Variants in GAS6 observed in about 807,000 individuals in gnomAD.
GAS6 encodes growth arrest specific 6, also known as growth arrest-specific protein 6.
GAS6 carries 41 observed loss-of-function variants against 75.8 expected under a neutral mutation model. The ratio of observed to expected loss-of-function variants is 0.54; its 90% CI spans 0.42 to 0.70. The LOEUF is 0.70. Ranked by LOEUF, GAS6 falls within the 30% of genes least tolerant of loss-of-function variation. The probability of loss-of-function intolerance (pLI) is 0.00; values close to 1 mark genes in which losing one functional copy is unlikely to be tolerated. For synonymous variants in GAS6, 432 were observed against 412.6 expected (o/e 1.05, Z -0.57); for missense variants, 854 against 940.2 (o/e 0.91, Z 1.20).
rs770493974 is a variant in GAS6 at position 113,820,645 on chromosome 13, C to T, written c.*219G>A. Reference sequence around the variant, plus strand: ...AATAGAGAATTATTTTCTTCGAGCCCGCTCTGCGCTGCGCCGGCCTCCCCG... The same window carrying T: ...AATAGAGAATTATTTTCTTCGAGCCTGCTCTGCGCTGCGCCGGCCTCCCCG... On this transcript the variant is annotated 3_prime_UTR_variant, in exon 15 of 15. Transcript: ENST00000327773. 8.7e-5 allele frequency: 45 copies of T among 518,214 alleles called. No individual in the cohort carries two copies. Among genetic ancestry groups the T allele is most frequent in the African/African-American group, 1.9e-4 (10 of 53,262 alleles). The allele number at this position is 518,214 out of a possible 1,614,324, so 32.1% of individuals were successfully genotyped here. A position where few individuals can be genotyped will look rare whatever the true frequency, so the allele number is the denominator to read the frequency against.
At chr13:113,834,490 C>T (rs1294295872) in intron 8 of GAS6, 61 bp downstream of exon 8, 17 of 1,422,044 alleles carry the variant, frequency 1.2e-5, no homozygotes, top group South Asian at 9.1e-5. Context: ...TCCCGAAAGC[C>T]CCCACCGGCG....
At chr13:113,852,615 C>T (rs570395952) in intron 2 of GAS6, among the ~76,000 whole-genome samples, 5 of 152,302 alleles carry the variant, frequency 3.3e-5, no homozygotes, top group East Asian at 1.9e-4. Context: ...CAGTGGGTGC[C>T]GGCAGAATCC....
chr13:113,834,473 G>C, intron 8 of GAS6, 78 bp downstream of exon 8: 1 of 1,366,656 alleles, frequency 7.3e-7, no homozygotes, highest in South Asian at 1.7e-5. Flanking sequence ...CTTCACGGAA[G>C]TGTTTCTCCC....
At chr13:113,823,334 G>A (rs1340658944) in intron 13 of GAS6, 41 bp downstream of exon 13, 2 of 1,569,060 alleles carry the variant, frequency 1.3e-6, no homozygotes, top group Non-Finnish European at 1.7e-6. Context: ...CGTACCCGTG[G>A]GTCGAGCCGG....
At chr13:113,825,234 CA>C (rs71105207) in intron 12 of GAS6, among the ~76,000 whole-genome samples, 9,538 of 58,136 alleles carry the variant, frequency 0.16, 249 homozygotes, top group South Asian at 0.23. Context: ...AACTCCGTCT[CA>C]AAAAAAAAAA....
In GAS6 at chr13:113,823,384, G is replaced by C; in HGVS notation, c.1644C>G (p.Leu548=). ...ALVDYHSTKK[L]KKQLVVLAVE... is the part of the protein sequence containing the mutation. ...GTGGCGGAGGCCCTACCTGCTTCTT[G>C]AGTTTCTTCGTGGAGTGATAGTCTA... is the stretch of plus-strand genomic sequence containing the variant. The change falls in exon 13 of 15, where the codon CTC becomes CTG. Residue 548 remains leucine, a synonymous_variant. Transcript: ENST00000327773. 1 of 1,610,044 alleles carries C rather than the reference G, an allele frequency of 6.2e-7. No homozygotes were observed. Among genetic ancestry groups the C allele is most frequent in the South Asian group, 1.1e-5 (1 of 90,810 alleles).
At chr13:113,855,988 G>A (rs1212437161) in intron 2 of GAS6, among the ~76,000 whole-genome samples, 2 of 152,176 alleles carry the variant, frequency 1.3e-5, no homozygotes, top group African/African-American at 2.4e-5. Context: ...GTTGCCTTCC[G>A]TGTTGTGAGG....
chr13:113,851,533 GTGAA>G (rs1191092922), intron 2 of GAS6, among the ~76,000 whole-genome samples: 2 of 151,690 alleles, frequency 1.3e-5, no homozygotes, highest in Non-Finnish European at 2.9e-5. Flanking sequence ...GAATGGATGA[GTGAA>G]TGGGTGGGTG....
intron 12 of GAS6, among the ~76,000 whole-genome samples, chr13:113,825,053 T>G (rs2051517187): frequency 6.6e-6 from 1 of 151,848 alleles, no homozygotes; most frequent in South Asian, 2.1e-4. Flanking sequence ...ACCCCATCTC[T>G]ACTAAAAATG....
In GAS6 at chr13:113,823,531, G is replaced by A. The variant is rs74118435; in HGVS notation, c.1497C>T (p.Val499=). 3.3e-3 allele frequency: 5,317 copies of A among 1,612,138 alleles called. 166 individuals carry two copies. In the African/African-American group the frequency reaches 0.063, roughly 19 times the overall value. ...SLDYMRTPLD[V]GTESTWEVEV... The stretch of plus-strand genomic sequence containing the variant: ...CTACTTCCCAGGTTGATTCAGTCCC[G>A]ACGTCCAGAGGGGTCCGCACTGCAA... Residue 499 remains valine (V), a synonymous_variant, in exon 13 of 15, where the codon GTC becomes GTT. Coordinates refer to ENST00000327773, the MANE Select transcript of GAS6 (RefSeq NM_000820.4).
intron 11 of GAS6, 21 bp downstream of exon 11, chr13:113,828,526 A>G (rs778306181): frequency 1.2e-6 from 2 of 1,603,490 alleles, no homozygotes; most frequent in African/African-American, 2.7e-5. Context: ...GCGTCTACAC[A>G]GGGACAGGTA....
intron 2 of GAS6, among the ~76,000 whole-genome samples, chr13:113,858,859 A>G (rs1490685270): frequency 1.6e-5 from 2 of 127,988 alleles, no homozygotes; most frequent in Non-Finnish European, 3.2e-5. Flanking sequence ...GTGTGTCATT[A>G]TGCATGTGTG....
At chr13:113,829,856 A>C (rs922496012) in intron 10 of GAS6, among the ~76,000 whole-genome samples, 1 of 135,848 alleles carries the variant, frequency 7.4e-6, no homozygotes, top group Non-Finnish European at 1.6e-5. Context: ...TCCTCACCTG[A>C]GCCAAGAGGG....
chr13:113,832,759 C>T lies in GAS6; in HGVS notation c.835-7G>A, dbSNP rs540269924. 35 of 1,612,566 alleles carry T rather than the reference C, an allele frequency of 2.2e-5. No homozygotes were observed. Among genetic ancestry groups the T allele is most frequent in the Middle Eastern group, 1.7e-4 (1 of 6,054 alleles). ...GCACGCACGGCAAGATGTCCTGCCA[C>T]GGACGGGGGCCACGCCGGTCGGGGA... On this transcript the variant is annotated splice_polypyrimidine_tract_variant and splice_region_variant and intron_variant, in intron 8 of 14. Transcript: ENST00000327773.
rs2051737667 is a variant in GAS6, at chr13:113,838,258, A to T, written c.467-67T>A. 5.7e-6 allele frequency: 9 copies of T among 1,591,070 alleles called. No homozygotes were observed. The South Asian group carries it at 8.9e-5, about 16-fold the overall frequency. On this transcript the variant is annotated intron_variant, in intron 5 of 14. Coordinates refer to ENST00000327773, the MANE Select transcript of GAS6 (RefSeq NM_000820.4). The stretch of plus-strand genomic sequence containing the variant: ...CAGCCCCTGGCTACGGTAGGAAGAG[A>T]TCCCAGAGGTGCACAGCCCAGCCCT...
chr13:113,850,652 C>A (rs2051866012), intron 2 of GAS6, among the ~76,000 whole-genome samples: 1 of 152,168 alleles, frequency 6.6e-6, no homozygotes, highest in Non-Finnish European at 1.5e-5. Context: ...GCTGACTGTC[C>A]CCCAGAGGCC....
Position 113,820,806 on chromosome 13 carries a change from A to C in GAS6, c.*58T>G. 3 of 1,551,890 alleles carry C rather than the reference A, an allele frequency of 1.9e-6. No homozygotes were observed. The highest frequency in any genetic ancestry group is 8.7e-7 in the Non-Finnish European group (1 of 1,145,392). On this transcript the variant is annotated 3_prime_UTR_variant, in exon 15 of 15. Coordinates refer to ENST00000327773, the MANE Select transcript of GAS6 (RefSeq NM_000820.4). The stretch of plus-strand genomic sequence containing the variant: ...TGGCCCCACGTGGTGAGGAGCCCCC[A>C]GGCTCCTCCCGGCTGTCTCGGACAG...
chr13:113,843,506 G>A (rs2051808102), intron 4 of GAS6: 1 of 151,230 alleles, frequency 6.6e-6, no homozygotes, highest in African/African-American at 2.5e-5. Context: ...ACCGCCTGTG[G>A]GGACCTGACC....
intron 2 of GAS6, among the ~76,000 whole-genome samples, chr13:113,858,248 GT>G (rs1464599178): frequency 6.6e-6 from 1 of 152,242 alleles, no homozygotes; most frequent in Admixed American, 6.5e-5. Flanking sequence ...GGGCATCCAT[GT>G]GTGCCTGTGT....
Sources: allele counts gnomAD v4.1 joint callset (sites outside exome capture counted in the v4.1 genomes callset), GRCh38; gene constraint gnomAD v4.1.1; transcripts MANE v1.5; gene names NCBI Gene and HGNC (gene_info 2026-07-23, HGNC 2026-07-21).